The following CDH4 variants were observed in gnomAD, a reference collection of about 807,000 sequenced individuals.
The protein encoded by CDH4 is cadherin-4.
CDH4 carries 33 observed loss-of-function variants against 86.0 expected under a neutral mutation model. The observed-to-expected ratio is 0.38, with a 90% CI of 0.29 to 0.51. The LOEUF is 0.51. Among genes scored for constraint, CDH4 ranks in the 20% least tolerant of loss-of-function variants. CDH4 has a pLI of 0.86. For synonymous variants in CDH4, 555 were observed against 549.4 expected, an observed-to-expected ratio of 1.01 and a Z score of -0.14; for missense variants, 1,114 against 1,307.4, an observed-to-expected ratio of 0.85 and a Z score of 2.28.
At position 61,544,823 on chromosome 20, in the gene CDH4, T is replaced by C. The variant is rs185238630; in HGVS notation, c.170-198740T>C. Among the ~76,000 whole-genome samples, 393 of 152,212 alleles carry C rather than the reference T, an allele frequency of 2.6e-3. 1 individual carries two copies. The highest frequency in any genetic ancestry group is 8.5e-3 in the African/African-American group (355 of 41,554). The stretch of plus-strand genomic sequence containing the variant: ...CCCTGCCCCCGAGGAAGGAACCTTG[T>C]TCCTCGGTTATAAAACTTGAGCTTT... On this transcript the variant is annotated intron_variant, in intron 2 of 15. Coordinates refer to ENST00000614565, the MANE Select transcript of CDH4 (RefSeq NM_001794.5). This position sits in a 1 kb window ranked among gnomAD's most constrained non-coding sequence, Gnocchi z 6.5.
In CDH4 at chr20:61,352,300, G is replaced by A. The variant is rs75456235; in HGVS notation, c.169+97363G>A. The stretch of plus-strand genomic sequence containing the variant: ...TTTAATATATATTGAAATACATGCC[G>A]TGTCGGAACAAAGAGTTTTACCTCG... On this transcript the variant is annotated intron_variant, in intron 2 of 15. Coordinates refer to ENST00000614565, the MANE Select transcript of CDH4 (RefSeq NM_001794.5). Among the ~76,000 whole-genome samples, 658 of 152,246 alleles carry A rather than the reference G, an allele frequency of 4.3e-3. 1 individual carries two copies. Among genetic ancestry groups the A allele is most frequent in the Non-Finnish European group, 7.7e-3 (521 of 68,018 alleles).
At chr20:61,331,724 A>ACCCACCTCCTGCCCCGG (rs1555837587) in intron 2 of CDH4, among the ~76,000 whole-genome samples, 5 of 2,112 alleles carry the variant, frequency 2.4e-3, no homozygotes, top group Non-Finnish European at 1.9e-3. Context: ...CGACCACCTG[A>ACCCACCTCCTGCCCCGG]CAGAAATGAG....
rs373659261 is a variant in CDH4 at position 61,924,452 on chromosome 20, G to T, written c.1747G>T (p.Ala583Ser). The change falls in exon 11 of 16, where the codon GCC becomes TCC. Residue 583 changes from alanine (A) to serine (S), a missense_variant. Physicochemically the swap from Ala to Ser is moderately conservative, Grantham distance 99. Coordinates refer to ENST00000614565, the MANE Select transcript of CDH4 (RefSeq NM_001794.5). ...CTACACCAAAAACAACGTCTACGAG[G>T]CCACCTTCCTGGCAGCTGACAATGG... ...SLYTKNNVYE[A>S]TFLAADNGIP... 1.2e-4 allele frequency: 201 copies of T among 1,613,420 alleles called. No individual in the cohort carries two copies. The highest frequency in any genetic ancestry group is 1.6e-4 in the Non-Finnish European group (187 of 1,179,838).
intron 2 of CDH4, chr20:61,570,893 TCTC>T: frequency 4.5e-6 from 3 of 669,664 alleles, no homozygotes; most frequent in Non-Finnish European, 8.2e-6. Flanking sequence ...TTTGTCAGCT[TCTC>T]CTAAGAAAAC....
chr20:61,602,116 C>A (rs946116692), intron 2 of CDH4, among the ~76,000 whole-genome samples: 5 of 152,112 alleles, frequency 3.3e-5, no homozygotes, highest in African/African-American at 1.2e-4. Flanking sequence ...GGGCTGCTGG[C>A]GATGCTTTCT....
intron 2 of CDH4, among the ~76,000 whole-genome samples, chr20:61,687,823 C>T (rs1189560155): frequency 6.6e-6 from 1 of 152,134 alleles, no homozygotes; most frequent in African/African-American, 2.4e-5. Flanking sequence ...GTGTCTAGGG[C>T]ATAGAAAATA....
At chr20:61,687,608 A>T (rs969195201) in intron 2 of CDH4, among the ~76,000 whole-genome samples, 2 of 152,256 alleles carry the variant, frequency 1.3e-5, no homozygotes, top group Non-Finnish European at 2.9e-5. Context: ...GACAAAATGT[A>T]AAACAGGCTA....
At chr20:61,788,102 T>C (rs877452) in intron 4 of CDH4, among the ~76,000 whole-genome samples, 50,869 of 152,016 alleles carry the variant, frequency 0.33, 8,615 homozygotes, top group African/African-American at 0.38. Flanking sequence ...AGGCAGCTTC[T>C]CAACCCTCCC....
At position 61,480,272 on chromosome 20, in the gene CDH4, A is replaced by G. The variant is rs564221755; in HGVS notation, c.169+225335A>G. 1.3e-4 allele frequency among the ~76,000 whole-genome samples: 20 copies of G among 152,034 alleles called. No homozygotes were observed. The highest frequency in any genetic ancestry group is 2.6e-4 in the Non-Finnish European group (18 of 68,010). Reference sequence around the variant, plus strand: ...CTCGTGGTAGCCTGGAAACTCCCCAAGCGGAAGCCGGGGCAGCTGTGGCGC... The same window carrying G: ...CTCGTGGTAGCCTGGAAACTCCCCAGGCGGAAGCCGGGGCAGCTGTGGCGC... On this transcript the variant is annotated intron_variant, in intron 2 of 15. Coordinates refer to ENST00000614565, the MANE Select transcript of CDH4 (RefSeq NM_001794.5). This position sits in a 1 kb window ranked among gnomAD's most constrained non-coding sequence, Gnocchi z 5.2.
intron 2 of CDH4, among the ~76,000 whole-genome samples, chr20:61,354,217 G>A (rs993798169): frequency 6.6e-6 from 1 of 152,124 alleles, no homozygotes; most frequent in African/African-American, 2.4e-5. Flanking sequence ...CCGAGGTCGG[G>A]CCTGGCTGCT....
At chr20:61,583,150 C>CGG (rs140666332) in intron 2 of CDH4, among the ~76,000 whole-genome samples, 27 of 66,414 alleles carry the variant, frequency 4.1e-4, no homozygotes, top group Admixed American at 1.1e-3. Context: ...GAGGGCTCTG[C>CGG]GGAGGGACAG....
chr20:61,532,721 C>T (rs2085964863), intron 2 of CDH4, among the ~76,000 whole-genome samples: 1 of 152,064 alleles, frequency 6.6e-6, no homozygotes, highest in South Asian at 2.1e-4. Context: ...TCTGGGGAGA[C>T]GGGTTCTCTG....
intron 4 of CDH4, among the ~76,000 whole-genome samples, chr20:61,836,361 C>T (rs1056748696): frequency 6.6e-6 from 1 of 152,214 alleles, no homozygotes; most frequent in Admixed American, 6.5e-5. Context: ...AGCTAATTCA[C>T]TATTCCCCAC....
At chr20:61,667,193 C>T (rs1210503979) in intron 2 of CDH4, among the ~76,000 whole-genome samples, 1 of 152,222 alleles carries the variant, frequency 6.6e-6, no homozygotes, top group Non-Finnish European at 1.5e-5. Flanking sequence ...AGGCAGGGAG[C>T]ATGGGGCCAC....
At chr20:61,511,982 C>G (rs1600721227) in intron 2 of CDH4, among the ~76,000 whole-genome samples, 1 of 152,214 alleles carries the variant, frequency 6.6e-6, no homozygotes, top group South Asian at 2.1e-4. Context: ...AGCTCGCCTG[C>G]TGGGATCCTG....
chr20:61,896,180 G>A (rs184385198), intron 8 of CDH4, among the ~76,000 whole-genome samples: 2 of 152,196 alleles, frequency 1.3e-5, no homozygotes, highest in South Asian at 4.1e-4. Context: ...GTACAGCCAG[G>A]GTGCAGAGCT....
At chr20:61,253,670 C>G (rs1374262078) in intron 1 of CDH4, among the ~76,000 whole-genome samples, 1 of 152,176 alleles carries the variant, frequency 6.6e-6, no homozygotes, top group African/African-American at 2.4e-5. Flanking sequence ...TGAAGAAAGC[C>G]GCGGTTTAGA....
At chr20:61,546,064 T>C (rs1456919694) in intron 2 of CDH4, among the ~76,000 whole-genome samples, 1 of 606 alleles carries the variant, frequency 1.7e-3, no homozygotes, top group South Asian at 0.071. Context: ...TCTGTGCATG[T>C]GTGGAGGGGG....
intron 2 of CDH4, among the ~76,000 whole-genome samples, chr20:61,541,183 G>A (rs1438943512): frequency 6.6e-6 from 1 of 152,128 alleles, no homozygotes; most frequent in Admixed American, 6.5e-5. Context: ...ATCTGCCCAG[G>A]TTATTAATAA....
Sources: allele counts gnomAD v4.1 joint callset (sites outside exome capture counted in the v4.1 genomes callset), GRCh38; gene constraint gnomAD v4.1.1; non-coding constraint Gnocchi (gnomAD v3.1); transcripts MANE v1.5; gene names NCBI Gene and HGNC (gene_info 2026-07-23, HGNC 2026-07-21).